Variants in CARD14 observed in about 807,000 individuals in gnomAD.
The protein encoded by CARD14 is caspase recruitment domain-containing protein 14.
CARD14 carries 107 observed loss-of-function variants against 111.5 expected under a neutral mutation model. The observed-to-expected ratio is 0.96, with a 90% CI of 0.82 to 1.13. CARD14 has a LOEUF of 1.13. Among genes scored for constraint, CARD14 ranks in the 50% most tolerant of loss-of-function variants. CARD14 has a pLI of 0.00. For synonymous variants in CARD14, 617 were observed against 579.6 expected (o/e 1.06, Z -0.93); for missense variants, 1,322 against 1,362.3 (o/e 0.97, Z 0.47).
chr17:80,191,617 C>A lies in CARD14; in HGVS notation c.1239+145C>A. On this transcript the variant is annotated intron_variant, in intron 11 of 23. Coordinates refer to ENST00000648509, the MANE Select transcript of CARD14 (RefSeq NM_001366385.1). ...GGGCCACACGCGGCACCTGCAGAGA[C>A]GGCCCAGTGTCACTGTGATGAGCGA... is the stretch of plus-strand genomic sequence containing the variant. 5 of 986,050 alleles carry A rather than the reference C, an allele frequency of 5.1e-6. No individual in the cohort carries two copies. In the South Asian group the frequency reaches 6.5e-5, roughly 13 times the overall value. 61.1% of individuals were successfully genotyped at this position (986,050 alleles called of 1,614,324 possible). A position where few individuals can be genotyped will look rare whatever the true frequency, so the allele number is the denominator to read the frequency against.
intron 7 of CARD14, among the ~76,000 whole-genome samples, chr17:80,185,222 AAAT>A (rs1352508131): frequency 4.6e-5 from 7 of 151,764 alleles, no homozygotes; most frequent in African/African-American, 1.7e-4. Context: ...AATTAAAAAA[AAAT>A]TTTTTTTGAA....
intron 2 of CARD14, among the ~76,000 whole-genome samples, chr17:80,176,439 C>CAAAAAA (rs11290027): frequency 2.1e-5 from 2 of 96,860 alleles, no homozygotes; most frequent in African/African-American, 3.9e-5. Context: ...GACCTTGTCT[C>CAAAAAA]AAAAAAAAAA....
At chr17:80,199,521 C>A (rs1201871446) in intron 16 of CARD14, among the ~76,000 whole-genome samples, 1 of 137,776 alleles carries the variant, frequency 7.3e-6, no homozygotes, top group African/African-American at 2.7e-5. Context: ...AAGATTGCAC[C>A]ACTGCACTCG....
chr17:80,187,356 G>A lies in CARD14; in HGVS notation c.676-1021G>A, dbSNP rs536824197. 1.1e-4 allele frequency among the ~76,000 whole-genome samples: 16 copies of A among 152,362 alleles called. No individual in the cohort carries two copies. In the South Asian group the frequency reaches 2.9e-3, roughly 28 times the overall value. On this transcript the variant is annotated intron_variant, in intron 7 of 23. Coordinates refer to ENST00000648509, the MANE Select transcript of CARD14 (RefSeq NM_001366385.1). ...GGCTGAGGGTTTGTAATCAAACACT[G>A]TGTTTGTGAGTCACTGTATCTTCGT...
At chr17:80,171,924 C>T (rs2039911824) in intron 1 of CARD14, among the ~76,000 whole-genome samples, 1 of 152,184 alleles carries the variant, frequency 6.6e-6, no homozygotes, top group Non-Finnish European at 1.5e-5. Context: ...CAGACCCGGT[C>T]GTTGCCACCT....
rs907452055 is a variant in CARD14, at chr17:80,203,132, T to A, written c.2220-690T>A. 1 of 152,002 alleles carries A rather than the reference T, an allele frequency of 6.6e-6. No individual in the cohort carries two copies. The highest frequency in any genetic ancestry group is 1.5e-5 in the Non-Finnish European group (1 of 68,030). 9.4% of individuals were successfully genotyped at this position (152,002 alleles called of 1,614,324 possible). On this transcript the variant is annotated intron_variant, in intron 18 of 23. Transcript: ENST00000648509. The surrounding 1 kb of genome is among the most constrained non-coding windows in gnomAD (Gnocchi z 4.6). Reference sequence around the variant, plus strand: ...AAAATACAAAAAACTTAGCTGGGCGTGGTGGCAGGTGCCTGTAATCCCAGC... The same window carrying A: ...AAAATACAAAAAACTTAGCTGGGCGAGGTGGCAGGTGCCTGTAATCCCAGC...
Position 80,190,562 on chromosome 17 carries a change from G to A in CARD14, c.964-212G>A, listed in dbSNP as rs1416853392. ...CGGGAAGCAGAGGTTGCAGCGAGCC[G>A]AGATTGCGCCATTGCACTCCAGCCT... On this transcript the variant is annotated intron_variant, in intron 9 of 23. Coordinates refer to ENST00000648509, the MANE Select transcript of CARD14 (RefSeq NM_001366385.1). 6.0e-5 allele frequency among the ~76,000 whole-genome samples: 9 copies of A among 151,180 alleles called. 1 individual carries two copies. The highest frequency in any genetic ancestry group is 2.1e-4 in the South Asian group (1 of 4,790).
At position 80,208,297 on chromosome 17, in the gene CARD14, C is replaced by T. The variant is rs769913134; in HGVS notation, c.2967C>T (p.Ile989=). 19 of 1,604,026 alleles carry T rather than the reference C, an allele frequency of 1.2e-5. No homozygotes were observed. Among genetic ancestry groups the T allele is most frequent in the East Asian group, 2.2e-5 (1 of 44,524 alleles). The part of the protein sequence containing the change: ...DGLLSCVRQA[I]ADEQKKVVWT... ...TGCTCAGCTGTGTCCGCCAGGCCAT[C>T]GCCGACGAGCAGAAGAAGGTGGTGT... Residue 989 remains isoleucine (I), a synonymous_variant, in exon 24 of 24, where the codon ATC becomes ATT. Coordinates refer to ENST00000648509, the MANE Select transcript of CARD14 (RefSeq NM_001366385.1).
Position 80,198,476 on chromosome 17 carries a change from T to A in CARD14, c.1736T>A (p.Leu579Ter). 1 of 1,613,312 alleles carries A rather than the reference T, an allele frequency of 6.2e-7. No individual in the cohort carries two copies. The highest frequency in any genetic ancestry group is 8.5e-7 in the Non-Finnish European group (1 of 1,179,702). The change falls in exon 16 of 24, where the codon TTG (leucine) becomes TAG (stop). Residue 579 changes from leucine (L) to a stop codon, truncating the protein, a stop_gained. Coordinates refer to ENST00000648509, the MANE Select transcript of CARD14 (RefSeq NM_001366385.1). LOFTEE classifies it high-confidence loss of function. This position sits in a 1 kb window ranked among gnomAD's most constrained non-coding sequence, Gnocchi z 7.5. ...ATGCTGGCGTTCCAGGGGGATGCATTGCTGGAGCAGATCAGCGTCATCGGC... is the reference window on the plus strand; with the variant it reads ...ATGCTGGCGTTCCAGGGGGATGCATAGCTGGAGCAGATCAGCGTCATCGGC... ...VTMLAFQGDA[L>*]LEQISVIGGN...
At position 80,195,230 on chromosome 17, in the gene CARD14, G is replaced by C; in HGVS notation, c.1396G>C (p.Glu466Gln). The part of the protein sequence containing the change: ...LSDLSATSSR[E>Q]LVDSFRSSSP... Reference sequence around the variant, plus strand: ...GGACCTGAGTGCCACGTCCAGCCGCGAGCTGGTGGACAGCTTCCGCTCCAG... The same window carrying C: ...GGACCTGAGTGCCACGTCCAGCCGCCAGCTGGTGGACAGCTTCCGCTCCAG... The change falls in exon 13 of 24, where the codon GAG (glutamate) becomes CAG (glutamine). Residue 466 changes from glutamate (E) to glutamine (Q), a missense_variant. Physicochemically the swap from Glu to Gln is conservative, Grantham distance 29. Coordinates refer to ENST00000648509, the MANE Select transcript of CARD14 (RefSeq NM_001366385.1). This position sits in a 1 kb window ranked among gnomAD's most constrained non-coding sequence, Gnocchi z 4.7. 1 of 1,611,558 alleles carries C rather than the reference G, an allele frequency of 6.2e-7. No individual in the cohort carries two copies. Among genetic ancestry groups the C allele is most frequent in the Non-Finnish European group, 8.5e-7 (1 of 1,179,394 alleles).
Position 80,181,357 on chromosome 17 carries a change from A to C in CARD14, c.-20-62A>C, listed in dbSNP as rs998780527. The C allele has an allele frequency of 3.1e-6, 4 of 1,284,062 alleles. No homozygotes were observed. The African/African-American group carries it at 5.9e-5, about 19-fold the overall frequency. The allele number at this position is 1,284,062 out of a possible 1,614,324, so 79.5% of individuals were successfully genotyped here. ...ATGGAGTTGATTTTAAAACGGTGTC[A>C]CCCTGGCTATCCTGGGGTCCTGCTT... On this transcript the variant is annotated intron_variant, in intron 4 of 23. Coordinates refer to ENST00000648509, the MANE Select transcript of CARD14 (RefSeq NM_001366385.1).
rs1423130873 is a variant in CARD14 at position 80,189,612 on chromosome 17, C to G, written c.844-141C>G. ...GATGGGTGGCTTTTCCGTGGCTTCT[C>G]TCCTGCCCGGTGTAGAGTGGCAAGA... On this transcript the variant is annotated intron_variant, in intron 8 of 23. Transcript: ENST00000648509. The surrounding 1 kb of genome is among the most constrained non-coding windows in gnomAD (Gnocchi z 4.7). 9.0e-7 allele frequency: 1 copy of G among 1,116,168 alleles called. No homozygotes were observed. Among genetic ancestry groups the G allele is most frequent in the Non-Finnish European group, 1.2e-6 (1 of 830,340 alleles). 69.1% of individuals were successfully genotyped at this position (1,116,168 alleles called of 1,614,324 possible).
At position 80,182,028 on chromosome 17, in the gene CARD14, G is replaced by T. The variant is rs2040191651; in HGVS notation, c.211+379G>T. Among the ~76,000 whole-genome samples the T allele has an allele frequency of 6.6e-6, 1 of 152,084 alleles. No homozygotes were observed. The highest frequency in any genetic ancestry group is 1.5e-5 in the Non-Finnish European group (1 of 68,038). On this transcript the variant is annotated intron_variant, in intron 5 of 23. Coordinates refer to ENST00000648509, the MANE Select transcript of CARD14 (RefSeq NM_001366385.1). This position sits in a 1 kb window ranked among gnomAD's most constrained non-coding sequence, Gnocchi z 4.7. ...TGTTAGGAGAAGCAAATGAGTTACT[G>T]TTTATAAAACACTCACTGCAAAGCT...
chr17:80,202,641 T>C (rs1010526427), intron 18 of CARD14: 60 of 1,390,112 alleles, frequency 4.3e-5, no homozygotes, highest in Non-Finnish European at 5.6e-5. Context: ...ACATTCTAGA[T>C]CTGGGTTTCT....
rs2040196129 is a variant in CARD14 at position 80,182,187 on chromosome 17, C to T, written c.212-466C>T. 6.6e-6 allele frequency among the ~76,000 whole-genome samples: 1 copy of T among 152,156 alleles called. No homozygotes were observed. Among genetic ancestry groups the T allele is most frequent in the South Asian group, 2.1e-4 (1 of 4,824 alleles). ...TGGCTGAGAGAGATGGGCTCTGGGC[C>T]CTGGGCGTGGAAGGCCCCGAGGCTC... On this transcript the variant is annotated intron_variant, in intron 5 of 23. Transcript: ENST00000648509. This position sits in a 1 kb window ranked among gnomAD's most constrained non-coding sequence, Gnocchi z 4.7.
Position 80,195,710 on chromosome 17 carries a change from G to T in CARD14, c.1594+58G>T, listed in dbSNP as rs1161019351. On this transcript the variant is annotated intron_variant, in intron 14 of 23. Transcript: ENST00000648509. This position sits in a 1 kb window ranked among gnomAD's most constrained non-coding sequence, Gnocchi z 4.7. ...GTCCACCTCCCCTGGGCAGAGCAGG[G>T]AGCTGATGAGAAAGCCGGGGCCTCT... is the stretch of plus-strand genomic sequence containing the variant. 7 of 1,427,266 alleles carry T rather than the reference G, an allele frequency of 4.9e-6. No individual in the cohort carries two copies. The highest frequency in any genetic ancestry group is 2.1e-5 in the Admixed American group (1 of 48,380). 88.4% of individuals were successfully genotyped at this position (1,427,266 alleles called of 1,614,324 possible).
chr17:80,204,627 G>GAA (rs35116471), intron 20 of CARD14: 74 of 292,338 alleles, frequency 2.5e-4, no homozygotes, highest in South Asian at 6.0e-4. Flanking sequence ...TCTGTCTCAG[G>GAA]AAAAAAAAAA....
intron 12 of CARD14, among the ~76,000 whole-genome samples, chr17:80,194,440 G>T (rs147610285): frequency 6.6e-6 from 1 of 152,206 alleles, no homozygotes; most frequent in South Asian, 2.1e-4. Context: ...TCAGCGCCTC[G>T]CACGTCACAT....
chr17:80,204,588 C>T lies in CARD14; in HGVS notation c.2398+247C>T, dbSNP rs942276231. The T allele has an allele frequency of 1.9e-5, 8 of 416,020 alleles. No individual in the cohort carries two copies. In the Admixed American group the frequency reaches 2.6e-4, roughly 14 times the overall value. 25.8% of individuals were successfully genotyped at this position (416,020 alleles called of 1,614,324 possible). A position where few individuals can be genotyped will look rare whatever the true frequency, so the allele number is the denominator to read the frequency against. Reference sequence around the variant, plus strand: ...GCAGTGAGCCGAGATGGTGCCATTGCACTCCAGCCTGGGCAATAAGAGCAA... The same window carrying T: ...GCAGTGAGCCGAGATGGTGCCATTGTACTCCAGCCTGGGCAATAAGAGCAA... On this transcript the variant is annotated intron_variant, in intron 20 of 23. Transcript: ENST00000648509.
Sources: gnomAD v4.1 joint callset for allele counts (sites outside exome capture counted in the v4.1 genomes callset) on GRCh38, gnomAD v4.1.1 for gene constraint, Gnocchi (gnomAD v3.1) non-coding constraint, MANE v1.5 for transcripts, NCBI Gene and HGNC (gene_info 2026-07-23, HGNC 2026-07-21) for gene names.